The following GRK5 variants were observed in gnomAD, a reference collection of about 807,000 sequenced individuals.
GRK5 encodes the protein G protein-coupled receptor kinase 5, also known as g protein-coupled receptor kinase GRK5.
Under a neutral mutation model 78.4 loss-of-function variants are expected in GRK5, and 40 were observed. That is an observed-to-expected ratio of 0.51 (90% CI 0.40 to 0.66). The LOEUF is 0.66. GRK5 is among the 30% of genes least tolerant of loss of function. GRK5 has a pLI of 0.00. For missense variants in GRK5, 598 were observed against 759.9 expected (o/e 0.79, Z 2.50); for synonymous variants, 289 against 296.8 (o/e 0.97, Z 0.27).
intron 2 of GRK5, chr10:119,333,245 G>T (rs1564894612): frequency 6.5e-6 from 1 of 152,810 alleles, no homozygotes; most frequent in Admixed American, 6.5e-5. Flanking sequence ...GCCTTAGGAG[G>T]CACTGTAGGT....
intron 1 of GRK5, among the ~76,000 whole-genome samples, chr10:119,272,614 A>C (rs1849601991): frequency 6.6e-6 from 1 of 150,588 alleles, no homozygotes; most frequent in African/African-American, 2.4e-5. Context: ...AAGAAACAAG[A>C]AACTGAGTGG....
intron 1 of GRK5, among the ~76,000 whole-genome samples, chr10:119,289,686 C>T (rs968679773): frequency 2.6e-5 from 4 of 152,182 alleles, no homozygotes; most frequent in East Asian, 3.8e-4. Flanking sequence ...TCCCGCTTCC[C>T]GAGTCTCTCC....
intron 1 of GRK5, among the ~76,000 whole-genome samples, chr10:119,317,875 T>A (rs1168983376): frequency 2.0e-5 from 3 of 152,174 alleles, no homozygotes; most frequent in Non-Finnish European, 2.9e-5. Flanking sequence ...TTCCAGGCAC[T>A]TTCTCTTGAC....
At chr10:119,420,351 AAC>A (rs199635995) in intron 4 of GRK5, among the ~76,000 whole-genome samples, 60,181 of 133,514 alleles carry the variant, frequency 0.45, 13,803 homozygotes, top group Middle Eastern at 0.59. Context: ...CAAACAAACA[AAC>A]AAAAAAAAAA....
At chr10:119,293,533 C>T (rs1331543468) in intron 1 of GRK5, among the ~76,000 whole-genome samples, 1 of 152,240 alleles carries the variant, frequency 6.6e-6, no homozygotes, top group African/African-American at 2.4e-5. Flanking sequence ...GGGTCTGTCA[C>T]TCTGGTGACC....
rs543206208 is a variant in GRK5 at position 119,302,603 on chromosome 10, TG to T, written c.53-23912del. ...TTTCTACCTGCTCCCCAGGGCACCT[TG>T]TTATTACAGTTCAACTGGCTGGGGT... On this transcript the variant is annotated intron_variant, in intron 1 of 15. Transcript: ENST00000392870. Among the ~76,000 whole-genome samples, 6 of 152,278 alleles carry T rather than the reference TG, an allele frequency of 3.9e-5. No individual in the cohort carries two copies. The East Asian group carries it at 1.2e-3, about 29-fold the overall frequency.
chr10:119,228,995 ACT>A (rs1028780956), intron 1 of GRK5, among the ~76,000 whole-genome samples: 19 of 152,220 alleles, frequency 1.2e-4, no homozygotes, highest in Middle Eastern at 3.4e-3. Context: ...GCTTTGATGG[ACT>A]GTAAATACAC....
At chr10:119,333,693 TGTAA>T in intron 2 of GRK5, 1 of 498,892 alleles carries the variant, frequency 2.0e-6, no homozygotes. Flanking sequence ...TCTTGTATCT[TGTAA>T]GTGTGTGCAG....
intron 1 of GRK5, among the ~76,000 whole-genome samples, chr10:119,284,951 G>T (rs941444903): frequency 6.6e-6 from 1 of 152,256 alleles, no homozygotes; most frequent in African/African-American, 2.4e-5. Context: ...TTGCCAGTCT[G>T]CGTGGGGATC....
At chr10:119,454,927 C>T in intron 15 of GRK5, 42 bp from the exon 16 acceptor site, 1 of 1,353,630 alleles carries the variant, frequency 7.4e-7, no homozygotes, top group South Asian at 1.2e-5. Context: ...CCAGGACTGA[C>T]TTCTGTTCTC....
At position 119,455,076 on chromosome 10, in the gene GRK5, CTG is replaced by C; in HGVS notation, c.*10_*11del. On this transcript the variant is annotated 3_prime_UTR_variant, in exon 16 of 16. Coordinates refer to ENST00000392870, the MANE Select transcript of GRK5 (RefSeq NM_005308.3). Reference sequence around the variant, plus strand: ...CCACCGGAAGCAGCTAGTTTCGGCTCTGGCCTCCAAGTCCACAGTGGAACCAG... The same window carrying C: ...CCACCGGAAGCAGCTAGTTTCGGCTCGCCTCCAAGTCCACAGTGGAACCAG... The C allele has an allele frequency of 6.2e-7, 1 of 1,604,246 alleles. No homozygotes were observed. The highest frequency in any genetic ancestry group is 8.5e-7 in the Non-Finnish European group (1 of 1,170,986).
intron 9 of GRK5, among the ~76,000 whole-genome samples, chr10:119,437,819 C>T (rs545649461): frequency 2.6e-4 from 40 of 152,226 alleles, no homozygotes; most frequent in African/African-American, 6.3e-4. Context: ...CTTCTCTGGC[C>T]GGTTGTGGTG....
chr10:119,359,482 C>T (rs189264802), intron 2 of GRK5, among the ~76,000 whole-genome samples: 28 of 152,240 alleles, frequency 1.8e-4, no homozygotes, highest in Admixed American at 1.6e-3. Flanking sequence ...GGAATGGGAT[C>T]CCAGGTGGGC....
At chr10:119,404,831 C>T (rs901556485) in intron 4 of GRK5, among the ~76,000 whole-genome samples, 4 of 152,212 alleles carry the variant, frequency 2.6e-5, no homozygotes, top group African/African-American at 9.6e-5. Flanking sequence ...GCACGGGCCT[C>T]TTACAGACTT....
chr10:119,261,953 G>C (rs1849414703), intron 1 of GRK5, among the ~76,000 whole-genome samples: 1 of 152,114 alleles, frequency 6.6e-6, no homozygotes, highest in Admixed American at 6.5e-5. Context: ...AGGACCGTCT[G>C]CTTTAAAAAT....
At chr10:119,446,268 C>G (rs1853146603) in intron 12 of GRK5, among the ~76,000 whole-genome samples, 1 of 152,216 alleles carries the variant, frequency 6.6e-6, no homozygotes, top group Non-Finnish European at 1.5e-5. Context: ...TTTCAAATGG[C>G]AGCATATAGG....
chr10:119,426,163 A>G (rs1303075565), intron 6 of GRK5, among the ~76,000 whole-genome samples: 1 of 152,214 alleles, frequency 6.6e-6, no homozygotes, highest in Admixed American at 6.5e-5. Flanking sequence ...TCCCCCGTAG[A>G]CACTCAGGAA....
intron 3 of GRK5, among the ~76,000 whole-genome samples, chr10:119,385,304 A>C (rs1354305191): frequency 6.6e-6 from 1 of 152,078 alleles, no homozygotes; most frequent in East Asian, 1.9e-4. Context: ...TCACTCTGTC[A>C]TCCAGGCTGG....
At chr10:119,304,478 T>C (rs908506231) in intron 1 of GRK5, among the ~76,000 whole-genome samples, 1 of 152,016 alleles carries the variant, frequency 6.6e-6, no homozygotes, top group Non-Finnish European at 1.5e-5. Context: ...GTCTGTTGAG[T>C]GCTCACTGCA....
Sources: allele counts gnomAD v4.1 joint callset (sites outside exome capture counted in the v4.1 genomes callset), GRCh38; gene constraint gnomAD v4.1.1; transcripts MANE v1.5; gene names NCBI Gene and HGNC (gene_info 2026-07-23, HGNC 2026-07-21).